The following GNAI1 variants were observed in gnomAD, a reference collection of about 807,000 sequenced individuals.
GNAI1 encodes the protein guanine nucleotide-binding protein G(i) subunit alpha-1.
In GNAI1, 11 loss-of-function variants were observed where a neutral mutation model predicts 38.9. The observed-to-expected ratio is 0.28, with a 90% confidence interval of 0.18 to 0.47. The LOEUF (loss-of-function observed/expected upper bound fraction) is 0.47. GNAI1 is among the 20% of genes least tolerant of loss of function. The pLI, the probability that GNAI1 is intolerant of heterozygous loss-of-function variation, is 0.99. For synonymous variants in GNAI1, 166 were observed against 145.1 expected (o/e 1.14, Z -1.04); for missense variants, 317 against 436.9 (o/e 0.73, Z 2.45).
chr7:80,157,593 C>G (rs994623385), intron 1 of GNAI1, among the ~76,000 whole-genome samples: 1 of 152,174 alleles, frequency 6.6e-6, no homozygotes, highest in Admixed American at 6.5e-5. Flanking sequence ...CATATTCTCA[C>G]CAGCATTTGG....
chr7:80,149,697 AC>A (rs1414556798), intron 1 of GNAI1, among the ~76,000 whole-genome samples: 1 of 152,052 alleles, frequency 6.6e-6, no homozygotes, highest in East Asian at 1.9e-4. Flanking sequence ...TTTCCCATGT[AC>A]TTTTTGATTT....
chr7:80,152,076 G>A (rs1369844348), intron 1 of GNAI1, among the ~76,000 whole-genome samples: 1 of 151,968 alleles, frequency 6.6e-6, no homozygotes, highest in Non-Finnish European at 1.5e-5. Flanking sequence ...CAGTTTTCTA[G>A]AACTAAGGTG....
Position 80,226,149 on chromosome 7 carries a change from TTATG to T in GNAI1, c.*8660_*8663del, listed in dbSNP as rs1789154029. ...AACTTAATTGTCTTTTGGTTTAAAA[TTATG>T]TATCCAATAAAGACATTTAAAAAGT... On this transcript the variant is annotated 3_prime_UTR_variant, in exon 8 of 8. Transcript: ENST00000649796. 6.6e-6 allele frequency among the ~76,000 whole-genome samples: 1 copy of T among 152,122 alleles called. No individual in the cohort carries two copies. Among genetic ancestry groups the T allele is most frequent in the African/African-American group, 2.4e-5 (1 of 41,428 alleles).
chr7:80,205,028 T>TA (rs1378052814), intron 5 of GNAI1, among the ~76,000 whole-genome samples: 1 of 152,174 alleles, frequency 6.6e-6, no homozygotes, highest in African/African-American at 2.4e-5. Flanking sequence ...GCTAGTTTCT[T>TA]ATAATTCACA....
chr7:80,158,382 T>C (rs1489232461), intron 1 of GNAI1, among the ~76,000 whole-genome samples: 1 of 152,180 alleles, frequency 6.6e-6, no homozygotes, highest in African/African-American at 2.4e-5. Context: ...ACTGAAAAGG[T>C]TTGGCTGAGT....
intron 1 of GNAI1, among the ~76,000 whole-genome samples, chr7:80,188,329 G>A (rs1056414404): frequency 6.6e-6 from 1 of 152,120 alleles, no homozygotes; most frequent in Non-Finnish European, 1.5e-5. Flanking sequence ...GGAGAGCAGA[G>A]TCTTAAATAA....
intron 1 of GNAI1, among the ~76,000 whole-genome samples, chr7:80,164,185 C>G (rs1787973688): frequency 6.6e-6 from 1 of 150,740 alleles, no homozygotes; most frequent in Non-Finnish European, 1.5e-5. Flanking sequence ...GCTGGGACTA[C>G]AGGTGTGCGC....
At chr7:80,153,845 T>C (rs1787770254) in intron 1 of GNAI1, among the ~76,000 whole-genome samples, 1 of 152,194 alleles carries the variant, frequency 6.6e-6, no homozygotes. Flanking sequence ...CCTAGAAATA[T>C]TTCAGGCAGG....
At chr7:80,179,542 T>C (rs1285467994) in intron 1 of GNAI1, among the ~76,000 whole-genome samples, 1 of 152,208 alleles carries the variant, frequency 6.6e-6, no homozygotes, top group Non-Finnish European at 1.5e-5. Flanking sequence ...GCTGGAAGTG[T>C]AGTATCCTTA....
intron 1 of GNAI1, among the ~76,000 whole-genome samples, chr7:80,184,764 C>T (rs908417494): frequency 6.6e-6 from 1 of 152,196 alleles, no homozygotes; most frequent in African/African-American, 2.4e-5. Context: ...GGAACCCTCT[C>T]CTGCCCTGCT....
chr7:80,214,347 T>C (rs930692590), intron 7 of GNAI1, among the ~76,000 whole-genome samples: 3 of 152,204 alleles, frequency 2.0e-5, no homozygotes, highest in Non-Finnish European at 4.4e-5. Flanking sequence ...TATTTGAATA[T>C]ATTTTTCAGT....
chr7:80,135,764 G>C, intron 1 of GNAI1: 1 of 982,822 alleles, frequency 1.0e-6, no homozygotes, highest in South Asian at 4.7e-5. Flanking sequence ...TGAAATCAGT[G>C]CACCTTTTGT....
intron 3 of GNAI1, among the ~76,000 whole-genome samples, chr7:80,196,738 A>G (rs1245657484): frequency 3.3e-5 from 5 of 151,896 alleles, no homozygotes; most frequent in Admixed American, 2.0e-4. Context: ...CTACAGACAC[A>G]CCTGAATGTC....
In GNAI1 at chr7:80,188,855, G is replaced by GGTGT. The variant is rs148159852; in HGVS notation, c.119-77_119-74dup. The GGTGT allele has an allele frequency of 2.5e-3, 1,747 of 700,314 alleles. 7 individuals carry two copies. The highest frequency in any genetic ancestry group is 0.018 in the African/African-American group (1,011 of 55,276). The allele number at this position is 700,314 out of a possible 1,614,324, so 43.4% of individuals were successfully genotyped here. A position where few individuals can be genotyped will look rare whatever the true frequency, so the allele number is the denominator to read the frequency against. On this transcript the variant is annotated intron_variant, in intron 1 of 7. Coordinates refer to ENST00000649796, the MANE Select transcript of GNAI1 (RefSeq NM_002069.6). ...GAGGTAGACACACAGAGAGAGACTG[G>GGTGT]GTGTGTGTGTGTGTGTGTGTGTTTG...
intron 1 of GNAI1, among the ~76,000 whole-genome samples, chr7:80,158,881 C>T (rs575463252): frequency 1.3e-5 from 2 of 152,308 alleles, no homozygotes; most frequent in African/African-American, 4.8e-5. Flanking sequence ...TGACCTATGG[C>T]TCCTGGATTC....
At chr7:80,154,426 G>T (rs980188384) in intron 1 of GNAI1, among the ~76,000 whole-genome samples, 1 of 152,174 alleles carries the variant, frequency 6.6e-6, no homozygotes, top group Non-Finnish European at 1.5e-5. Flanking sequence ...AGGGATTTTA[G>T]AAATAAAGCT....
intron 1 of GNAI1, among the ~76,000 whole-genome samples, chr7:80,176,414 G>C (rs568913082): frequency 2.0e-5 from 3 of 152,172 alleles, no homozygotes; most frequent in Non-Finnish European, 2.9e-5. Context: ...AGCTAAGATC[G>C]TTGATGAAGA....
chr7:80,203,295 A>G (rs1388168279), intron 4 of GNAI1, among the ~76,000 whole-genome samples: 1 of 152,210 alleles, frequency 6.6e-6, no homozygotes, highest in Non-Finnish European at 1.5e-5. Flanking sequence ...TTAAGACTTT[A>G]AAAATCTTCA....
chr7:80,138,532 A>G (rs1787466864), intron 1 of GNAI1, among the ~76,000 whole-genome samples: 1 of 151,958 alleles, frequency 6.6e-6, no homozygotes, highest in African/African-American at 2.4e-5. Flanking sequence ...TGTTGAGGAA[A>G]TTATTTTTTA....
Sources: gnomAD v4.1 joint callset for allele counts (sites outside exome capture counted in the v4.1 genomes callset) on GRCh38, gnomAD v4.1.1 for gene constraint, MANE v1.5 for transcripts, NCBI Gene and HGNC (gene_info 2026-07-23, HGNC 2026-07-21) for gene names.